LNP1: variants seen among roughly 807,000 people sequenced by gnomAD.
The protein encoded by LNP1 is leukemia NUP98 fusion partner 1.
A neutral mutation model predicts 14.5 loss-of-function variants in LNP1; 12 were observed. The observed-to-expected ratio is 0.83, with a 90% CI of 0.53 to 1.34. The LOEUF (loss-of-function observed/expected upper bound fraction) is 1.34. Ranked by LOEUF, LNP1 falls within the 40% of genes most tolerant of loss-of-function variation. The probability of loss-of-function intolerance (pLI) is 0.00; values close to 1 mark genes in which losing one functional copy is unlikely to be tolerated. For missense variants in LNP1, 198 were observed against 210.9 expected (o/e 0.94, Z 0.38); for synonymous variants, 75 against 71.4 (o/e 1.05, Z -0.26).
chr3:100,455,219 A>G (rs1462456327), intron 3 of LNP1, among the ~76,000 whole-genome samples: 1 of 152,196 alleles, frequency 6.6e-6, no homozygotes, highest in Non-Finnish European at 1.5e-5. Context: ...ATTTAGTGTT[A>G]TATCTCCTGA....
At chr3:100,403,987 A>G (rs1396532069) in intron 1 of LNP1, among the ~76,000 whole-genome samples, 4 of 152,254 alleles carry the variant, frequency 2.6e-5, no homozygotes, top group Non-Finnish European at 4.4e-5. Flanking sequence ...ATCTGCTTAT[A>G]TTAAGCATGT....
chr3:100,426,041 G>A, intron 1 of LNP1, among the ~76,000 whole-genome samples: 1 of 152,216 alleles, frequency 6.6e-6, no homozygotes, highest in East Asian at 1.9e-4. Context: ...AGCCCTATCT[G>A]TCAGGAGTGG....
At chr3:100,447,530 C>T (rs1203796604) in intron 2 of LNP1, among the ~76,000 whole-genome samples, 2 of 151,942 alleles carry the variant, frequency 1.3e-5, no homozygotes, top group Non-Finnish European at 2.9e-5. Context: ...GCAAACCAAC[C>T]TGACACATGT....
rs907544276 is a variant in LNP1 at position 100,456,056 on chromosome 3, A to G, written c.*130A>G. ...AAACAGCTATAAAAAGCAACTGCAG[A>G]TGCTGACTGACTGCAGTGGGCAGGG... On this transcript the variant is annotated 3_prime_UTR_variant, in exon 4 of 4. Transcript: ENST00000383693. 6 of 906,998 alleles carry G rather than the reference A, an allele frequency of 6.6e-6. No homozygotes were observed. Among genetic ancestry groups the G allele is most frequent in the Non-Finnish European group, 1.0e-5 (6 of 588,922 alleles). The allele number at this position is 906,998 out of a possible 1,614,324, so 56.2% of individuals were successfully genotyped here. A position where few individuals can be genotyped will look rare whatever the true frequency, so the allele number is the denominator to read the frequency against.
At chr3:100,446,352 G>C (rs978816386) in intron 2 of LNP1, among the ~76,000 whole-genome samples, 2 of 152,184 alleles carry the variant, frequency 1.3e-5, no homozygotes, top group African/African-American at 4.8e-5. Context: ...AATGGAGAAA[G>C]GATTCCCTAT....
chr3:100,433,804 CTG>C (rs1191741582), intron 2 of LNP1, among the ~76,000 whole-genome samples: 2 of 152,130 alleles, frequency 1.3e-5, no homozygotes, highest in Non-Finnish European at 2.9e-5. Flanking sequence ...ATTTGCATTT[CTG>C]TAATGATCAG....
chr3:100,454,828 G>A (rs1176415692), intron 3 of LNP1, among the ~76,000 whole-genome samples: 1 of 152,112 alleles, frequency 6.6e-6, no homozygotes. Flanking sequence ...CAACTAACAC[G>A]GCTGAGCAAG....
chr3:100,455,660 A>ATAATTATTTCTATTTAGC, intron 3 of LNP1, 117 bp from the exon 4 acceptor site: 23 of 947,950 alleles, frequency 2.4e-5, no homozygotes, highest in Non-Finnish European at 3.8e-5. Context: ...TCTAGAAACC[A>ATAATTATTTCTATTTAGC]AGAGGTGGAA....
intron 1 of LNP1, among the ~76,000 whole-genome samples, chr3:100,405,184 T>G (rs1255861449): frequency 6.6e-6 from 1 of 152,174 alleles, no homozygotes; most frequent in Non-Finnish European, 1.5e-5. Context: ...CTCTTTTTCA[T>G]CCTTACCTAC....
intron 3 of LNP1, among the ~76,000 whole-genome samples, chr3:100,453,678 G>T (rs963970169): frequency 1.3e-5 from 2 of 151,814 alleles, no homozygotes; most frequent in South Asian, 4.2e-4. Flanking sequence ...TGCAAGAATA[G>T]GACAAAGAAT....
At chr3:100,409,998 T>TCTATCTATCTATCTAC (rs1269011181) in intron 1 of LNP1, among the ~76,000 whole-genome samples, 3 of 150,914 alleles carry the variant, frequency 2.0e-5, no homozygotes, top group African/African-American at 7.3e-5. Context: ...TATCTATCTA[T>TCTATCTATCTATCTAC]CTACCTATTT....
rs193190932 is a variant in LNP1, at chr3:100,455,838, G to A, written c.449G>A (p.Arg150Gln). Reference sequence around the variant, plus strand: ...TGCCTGAGGATGGAGATAAAATCCCGAAAGAAAGTAGAGGAAGAAAGGAGC... The same window carrying A: ...TGCCTGAGGATGGAGATAAAATCCCAAAAGAAAGTAGAGGAAGAAAGGAGC... The part of the protein sequence containing the change: ...RECLRMEIKS[R>Q]KKVEEERSSR... The change falls in exon 4 of 4, where the codon CGA (arginine) becomes CAA (glutamine). Residue 150 changes from arginine (R) to glutamine (Q), a missense_variant. Physicochemically the swap from Arg to Gln is conservative, Grantham distance 43 (BLOSUM62 1). Transcript: ENST00000383693. The A allele has an allele frequency of 2.0e-5, 33 of 1,614,024 alleles. No homozygotes were observed. Among genetic ancestry groups the A allele is most frequent in the East Asian group, 1.6e-4 (7 of 44,884 alleles).
At chr3:100,424,331 A>T (rs754218740) in intron 1 of LNP1, among the ~76,000 whole-genome samples, 8 of 152,204 alleles carry the variant, frequency 5.3e-5, no homozygotes, top group Non-Finnish European at 7.3e-5. Flanking sequence ...ACTCATGGCT[A>T]AGATTTATTA....
rs569959068 is a variant in LNP1, at chr3:100,452,459, G to A, written c.387+510G>A. On this transcript the variant is annotated intron_variant, in intron 3 of 3. Coordinates refer to ENST00000383693, the MANE Select transcript of LNP1 (RefSeq NM_001085451.2). ...TGGGCTCAAGCAATGCTCCTGCCTC[G>A]GGGTCCCAAAGTGCTAGGATTCCAG... Among the ~76,000 whole-genome samples the A allele has an allele frequency of 6.1e-4, 92 of 151,848 alleles. 1 individual carries two copies. The highest frequency in any genetic ancestry group is 2.2e-3 in the Admixed American group (33 of 15,258).
At chr3:100,406,001 G>A (rs1435676427) in intron 1 of LNP1, among the ~76,000 whole-genome samples, 2 of 152,096 alleles carry the variant, frequency 1.3e-5, no homozygotes, top group African/African-American at 4.8e-5. Flanking sequence ...AATTACCTAT[G>A]TGGGCCGGGT....
rs1229948035 is a variant in LNP1, at chr3:100,429,879, C to G, written c.150C>G (p.Pro50=). The G allele has an allele frequency of 1.2e-6, 2 of 1,613,282 alleles. No individual in the cohort carries two copies. The highest frequency in any genetic ancestry group is 3.3e-5 in the Admixed American group (2 of 59,914). Reference sequence around the variant, plus strand: ...CCAGTCACAGGAAAACCTCCCTGCCCTGCCCAGTGAGTGATTGTCATGGAA... The same window carrying G: ...CCAGTCACAGGAAAACCTCCCTGCCGTGCCCAGTGAGTGATTGTCATGGAA... ...QATSHRKTSL[P]CPLPVLPRIP... The change falls in exon 2 of 4, where the codon CCC becomes CCG. Residue 50 remains proline, a synonymous_variant. Transcript: ENST00000383693.
At chr3:100,448,648 G>A (rs1265158457) in intron 2 of LNP1, among the ~76,000 whole-genome samples, 4 of 151,350 alleles carry the variant, frequency 2.6e-5, no homozygotes, top group Non-Finnish European at 5.9e-5. Context: ...ACTTATTAAG[G>A]GTTTTACTTA....
intron 1 of LNP1, among the ~76,000 whole-genome samples, chr3:100,424,495 G>A (rs1707173881): frequency 6.6e-6 from 1 of 152,192 alleles, no homozygotes; most frequent in South Asian, 2.1e-4. Flanking sequence ...CATTGTGCAA[G>A]GCAAGTGTTT....
At chr3:100,407,536 C>T (rs1706982197) in intron 1 of LNP1, among the ~76,000 whole-genome samples, 1 of 152,134 alleles carries the variant, frequency 6.6e-6, no homozygotes, top group Admixed American at 6.5e-5. Flanking sequence ...TGTCTTAGAT[C>T]TGTAGAGTTT....
Sources: gnomAD v4.1 joint callset for allele counts (sites outside exome capture counted in the v4.1 genomes callset) on GRCh38, gnomAD v4.1.1 for gene constraint, MANE v1.5 for transcripts, NCBI Gene and HGNC (gene_info 2026-07-23, HGNC 2026-07-21) for gene names.